Variants in AP1M1 observed in about 807,000 individuals in gnomAD.
AP1M1 encodes AP-1 complex subunit mu-1.
In AP1M1, 18 loss-of-function variants were observed where a neutral mutation model predicts 57.1. The ratio of observed to expected loss-of-function variants is 0.32; its 90% confidence interval spans 0.22 to 0.47. AP1M1 has a LOEUF of 0.47. Among genes scored for constraint, AP1M1 ranks in the 20% least tolerant of loss-of-function variants. The pLI, the probability that AP1M1 is intolerant of heterozygous loss-of-function variation, is 1.00. For synonymous variants in AP1M1, 241 were observed against 237.9 expected (o/e 1.01, Z -0.12); for missense variants, 362 against 593.5 (o/e 0.61, Z 4.05).
At chr19:16,218,422 C>G (rs2145128437) in intron 5 of AP1M1, among the ~76,000 whole-genome samples, 1 of 152,338 alleles carries the variant, frequency 6.6e-6, no homozygotes, top group African/African-American at 2.4e-5. Flanking sequence ...GAGGCCATGG[C>G]AAGAGTGGGT....
chr19:16,243,897 T>G lies in AP1M1; in HGVS notation c.*9462T>G, dbSNP rs952558057. 3 of 152,138 alleles carry G rather than the reference T, an allele frequency of 2.0e-5. No individual in the cohort carries two copies. The highest frequency in any genetic ancestry group is 4.4e-5 in the Non-Finnish European group (3 of 68,028). The allele number at this position is 152,138 out of a possible 1,614,324, so 9.4% of individuals were successfully genotyped here. A position where few individuals can be genotyped will look rare whatever the true frequency, so the allele number is the denominator to read the frequency against. ...GGCAGAGGTTGCAGTGAGCTGAGAT[T>G]GTGCCACTGCACTCCAGCCTGGGCA... On this transcript the variant is annotated 3_prime_UTR_variant, in exon 12 of 12. Transcript: ENST00000291439.
At chr19:16,233,691 G>C in intron 10 of AP1M1, 73 bp downstream of exon 10, 1 of 1,514,536 alleles carries the variant, frequency 6.6e-7, no homozygotes, top group East Asian at 2.3e-5. Flanking sequence ...AATGCAGCCA[G>C]CTTGGGAAAG....
intron 5 of AP1M1, chr19:16,210,369 C>A: frequency 1.4e-6 from 1 of 718,048 alleles, no homozygotes; most frequent in Non-Finnish European, 2.6e-6. Context: ...GGGTAAATAC[C>A]CAGGAGTGGG....
Position 16,206,541 on chromosome 19 carries a change from AGT to A in AP1M1, c.267+135_267+136del, listed in dbSNP as rs1186220951. On this transcript the variant is annotated intron_variant, in intron 3 of 11. Transcript: ENST00000291439. This position sits in a 1 kb window ranked among gnomAD's most constrained non-coding sequence, Gnocchi z 4.3. ...GAGCACTGGGGCTGGAAGCCCAGGA[AGT>A]GGGAAAGGGGAGTCCCAACTCCCCA... 1.1e-6 allele frequency: 1 copy of A among 926,926 alleles called. No homozygotes were observed. The highest frequency in any genetic ancestry group is 2.4e-4 in the Middle Eastern group (1 of 4,148). The allele number at this position is 926,926 out of a possible 1,614,324, so 57.4% of individuals were successfully genotyped here.
chr19:16,234,154 G>C, intron 10 of AP1M1, 45 bp from the exon 11 acceptor site: 11 of 1,577,880 alleles, frequency 7.0e-6, no homozygotes, highest in Non-Finnish European at 7.8e-6. Flanking sequence ...GGGACCAACA[G>C]GGCGGGAGCC....
rs976940366 is a variant in AP1M1, at chr19:16,207,387, G to A, written c.268-632G>A. Among the ~76,000 whole-genome samples the A allele has an allele frequency of 4.6e-5, 7 of 152,058 alleles. No homozygotes were observed. In the East Asian group the frequency reaches 1.2e-3, roughly 25 times the overall value. On this transcript the variant is annotated intron_variant, in intron 3 of 11. Transcript: ENST00000291439. This position sits in a 1 kb window ranked among gnomAD's most constrained non-coding sequence, Gnocchi z 4.2. ...CACAGGCAGGGCTGGGCCTGGCTGT[G>A]CTGCCTGTGGTTTCCAAGCAGAGGC...
At chr19:16,220,357 G>T (rs1051534704) in intron 5 of AP1M1, among the ~76,000 whole-genome samples, 4 of 151,842 alleles carry the variant, frequency 2.6e-5, no homozygotes, top group Non-Finnish European at 4.4e-5. Context: ...GACTGCAGCC[G>T]TGTGCCACCA....
At chr19:16,225,734 G>A (rs569415591) in intron 5 of AP1M1, among the ~76,000 whole-genome samples, 3 of 152,264 alleles carry the variant, frequency 2.0e-5, no homozygotes, top group East Asian at 1.9e-4. Flanking sequence ...CTGGATTTAA[G>A]TTGATTATTT....
At chr19:16,205,906 GC>G (rs1395930196) in intron 2 of AP1M1, among the ~76,000 whole-genome samples, 5 of 152,184 alleles carry the variant, frequency 3.3e-5, no homozygotes, top group African/African-American at 1.2e-4. Flanking sequence ...GCCAGAATTG[GC>G]CCTGGCTGCT....
chr19:16,214,759 T>G (rs77670180), intron 5 of AP1M1, among the ~76,000 whole-genome samples: 2,331 of 151,636 alleles, frequency 0.015, 61 homozygotes, highest in African/African-American at 0.053. Flanking sequence ...TTATTCTTCT[T>G]TTTTTTTGAG....
chr19:16,234,799 C>A lies in AP1M1; in HGVS notation c.*364C>A, dbSNP rs1277080037. 1.0e-5 allele frequency: 4 copies of A among 397,610 alleles called. No homozygotes were observed. Among genetic ancestry groups the A allele is most frequent in the East Asian group, 4.4e-5 (1 of 22,838 alleles). The allele number at this position is 397,610 out of a possible 1,614,324, so 24.6% of individuals were successfully genotyped here. On this transcript the variant is annotated 3_prime_UTR_variant, in exon 12 of 12. Transcript: ENST00000291439. ...AGCCAGCTGCAGGTGGCATCTGCCA[C>A]GAAGGAAGCGCCAGCCTCGCCAGGC...
intron 11 of AP1M1, 67 bp downstream of exon 11, chr19:16,234,341 G>C: frequency 1.2e-6 from 2 of 1,612,502 alleles, no homozygotes; most frequent in Non-Finnish European, 1.7e-6. Context: ...CCCCAGGGTG[G>C]AGCCATCGGG....
Position 16,245,210 on chromosome 19 carries a change from A to G in AP1M1, c.*10775A>G, listed in dbSNP as rs1480070783. On this transcript the variant is annotated 3_prime_UTR_variant, in exon 12 of 12. Transcript: ENST00000291439. ...TGCGCCCAGCCAAATCTGCATTTTG[A>G]TAAGTATGCATTTTACTATCTAAGG... The G allele has an allele frequency of 1.3e-5, 2 of 151,978 alleles. No homozygotes were observed. Among genetic ancestry groups the G allele is most frequent in the East Asian group, 1.9e-4 (1 of 5,144 alleles). The allele number at this position is 151,978 out of a possible 1,614,324, so 9.4% of individuals were successfully genotyped here.
chr19:16,198,287 G>A (rs1367336519), intron 1 of AP1M1: 3 of 356,086 alleles, frequency 8.4e-6, no homozygotes, highest in Admixed American at 4.9e-5. Flanking sequence ...AACGCGGTGG[G>A]CTGCAGCCAC....
intron 2 of AP1M1, among the ~76,000 whole-genome samples, chr19:16,204,798 G>T (rs1446604568): frequency 6.7e-6 from 1 of 150,028 alleles, no homozygotes; most frequent in East Asian, 2.0e-4. Context: ...GCTCTGGAAG[G>T]CCCTGAGAAT....
chr19:16,204,665 G>A (rs2091462122), intron 2 of AP1M1, among the ~76,000 whole-genome samples: 1 of 152,202 alleles, frequency 6.6e-6, no homozygotes, highest in Admixed American at 6.5e-5. Context: ...GCTCCACCCA[G>A]CCCTGCCCCG....
rs943981898 is a variant in AP1M1, at chr19:16,207,597, C to T, written c.268-422C>T. Among the ~76,000 whole-genome samples, 2 of 152,234 alleles carry T rather than the reference C, an allele frequency of 1.3e-5. No individual in the cohort carries two copies. The highest frequency in any genetic ancestry group is 2.4e-5 in the African/African-American group (1 of 41,452). On this transcript the variant is annotated intron_variant, in intron 3 of 11. Transcript: ENST00000291439. This position sits in a 1 kb window ranked among gnomAD's most constrained non-coding sequence, Gnocchi z 4.2. ...CTCTTCTTTGGCGTCCCTTCCTTAA[C>T]CTTCTGAGCTTTCCATTGAAATGGG...
At chr19:16,223,669 C>T (rs543774622) in intron 5 of AP1M1, among the ~76,000 whole-genome samples, 70 of 152,280 alleles carry the variant, frequency 4.6e-4, no homozygotes, top group African/African-American at 1.7e-3. Flanking sequence ...GCTGAGCTCT[C>T]GTGTGCTCTG....
At chr19:16,198,961 C>G (rs2145108088) in intron 1 of AP1M1, among the ~76,000 whole-genome samples, 1 of 152,240 alleles carries the variant, frequency 6.6e-6, no homozygotes, top group Non-Finnish European at 1.5e-5. Context: ...GCACCTGCCA[C>G]TACGCCGAGC....
Sources: gnomAD v4.1 joint callset for allele counts (sites outside exome capture counted in the v4.1 genomes callset) on GRCh38, gnomAD v4.1.1 for gene constraint, Gnocchi (gnomAD v3.1) non-coding constraint, MANE v1.5 for transcripts, NCBI Gene and HGNC (gene_info 2026-07-23, HGNC 2026-07-21) for gene names.